AP4E1: variants seen among roughly 807,000 people sequenced by gnomAD.
The protein encoded by AP4E1 is adaptor related protein complex 4 subunit epsilon 1.
AP4E1 carries 56 observed loss-of-function variants against 128.2 expected under a neutral mutation model. The observed-to-expected ratio is 0.44, with a 90% confidence interval of 0.35 to 0.55. The LOEUF (loss-of-function observed/expected upper bound fraction) is 0.55. Ranked by LOEUF, AP4E1 falls within the 20% of genes least tolerant of loss-of-function variation. The probability of loss-of-function intolerance (pLI) is 0.00; values close to 1 mark genes in which losing one functional copy is unlikely to be tolerated. For missense variants in AP4E1, 1,324 were observed against 1,307.7 expected (o/e 1.01, Z -0.19); for synonymous variants, 484 against 473.1 (o/e 1.02, Z -0.30).
intron 9 of AP4E1, 46 bp downstream of exon 9, chr15:50,941,610 G>C (rs1449617697): frequency 6.2e-7 from 1 of 1,612,202 alleles, no homozygotes; most frequent in East Asian, 2.2e-5. Flanking sequence ...GATAGCTTTT[G>C]AAATTTGCTG....
chr15:50,963,387 G>A (rs1047699384), intron 14 of AP4E1, among the ~76,000 whole-genome samples: 3 of 152,144 alleles, frequency 2.0e-5, no homozygotes, highest in African/African-American at 7.2e-5. Context: ...AATGTGGTAT[G>A]TATACACAAT....
At chr15:50,915,789 T>G in intron 3 of AP4E1, 1 of 545,164 alleles carries the variant, frequency 1.8e-6, no homozygotes, top group Admixed American at 3.2e-5. Context: ...GACTAAAGAT[T>G]TCTTGCTCTT....
chr15:50,952,555 C>T (rs2064166321), intron 13 of AP4E1, among the ~76,000 whole-genome samples: 1 of 151,864 alleles, frequency 6.6e-6, no homozygotes, highest in African/African-American at 2.4e-5. Flanking sequence ...TTAATATCAC[C>T]TGCTATACTG....
chr15:50,999,980 C>T (rs552659868), intron 19 of AP4E1, among the ~76,000 whole-genome samples: 11 of 151,648 alleles, frequency 7.3e-5, no homozygotes, highest in African/African-American at 2.7e-4. Flanking sequence ...ATCTTACCTG[C>T]TCTAATTTTG....
chr15:50,908,549 T>TA (rs1268252081), upstream of AP4E1: 3 of 479,066 alleles, frequency 6.3e-6, no homozygotes, highest in African/African-American at 2.1e-5. Flanking sequence ...GAGGTCTACT[T>TA]ACGCGCGCAA....
At chr15:50,986,673 G>A (rs1016635051) in intron 16 of AP4E1, among the ~76,000 whole-genome samples, 2 of 152,118 alleles carry the variant, frequency 1.3e-5, no homozygotes, top group African/African-American at 4.8e-5. Flanking sequence ...TGATCATGGT[G>A]GATAATCTTT....
intron 16 of AP4E1, among the ~76,000 whole-genome samples, chr15:50,987,364 T>C (rs2064743311): frequency 6.6e-6 from 1 of 152,206 alleles, no homozygotes; most frequent in Non-Finnish European, 1.5e-5. Context: ...GTGTTTGCTC[T>C]TGCTTCTCTA....
At chr15:50,964,992 C>CAA (rs1555459136) in intron 14 of AP4E1, among the ~76,000 whole-genome samples, 3 of 151,224 alleles carry the variant, frequency 2.0e-5, no homozygotes, top group Non-Finnish European at 4.4e-5. Context: ...CACACACACA[C>CAA]TGGACTTTCC....
At chr15:50,926,071 T>A (rs947039945) in intron 5 of AP4E1, among the ~76,000 whole-genome samples, 1 of 152,154 alleles carries the variant, frequency 6.6e-6, no homozygotes. Flanking sequence ...GACTTACTTT[T>A]CACTGTATTT....
chr15:50,971,649 C>CT (rs920815165), intron 15 of AP4E1, among the ~76,000 whole-genome samples: 19 of 150,660 alleles, frequency 1.3e-4, no homozygotes, highest in South Asian at 4.2e-4. Flanking sequence ...ATTATTTTTT[C>CT]TTTTTTTTTG....
At chr15:50,994,518 C>A (rs2064845236) in intron 17 of AP4E1, among the ~76,000 whole-genome samples, 1 of 152,202 alleles carries the variant, frequency 6.6e-6, no homozygotes. Flanking sequence ...GATCCCATTT[C>A]TGTCAGACTT....
At chr15:50,908,591 G>A (rs946406375), upstream of AP4E1, 3 of 701,798 alleles carry the variant, frequency 4.3e-6, no homozygotes, top group African/African-American at 3.8e-5. Flanking sequence ...CACCCCCGCG[G>A]TCTCTTGCGC....
chr15:50,929,042 A>T lies in AP4E1; in HGVS notation c.576A>T (p.Leu192Phe). The T allele has an allele frequency of 6.2e-7, 1 of 1,613,892 alleles. No individual in the cohort carries two copies. Residue 192 changes from leucine to phenylalanine, a missense_variant, in exon 6 of 21, where the codon TTA becomes TTT. By Grantham distance (22) the Leu-to-Phe change is conservative. Coordinates refer to ENST00000261842, the MANE Select transcript of AP4E1 (RefSeq NM_007347.5). Reference protein sequence around the residue: ...EIVRRKAVLALYKFHLIAPNQ... With the variant: ...EIVRRKAVLAFYKFHLIAPNQ... ...TACGAAGAAAAGCTGTTCTGGCATT[A>T]TACAAATTCCATCTCATTGCTCCTA...
At chr15:50,966,654 C>G (rs2064398658) in intron 14 of AP4E1, among the ~76,000 whole-genome samples, 1 of 150,592 alleles carries the variant, frequency 6.6e-6, no homozygotes, top group Admixed American at 6.6e-5. Context: ...TCTCCTGTCT[C>G]AGCCTCCCGA....
chr15:50,911,670 G>C (rs909839647), intron 1 of AP4E1, among the ~76,000 whole-genome samples: 2 of 151,506 alleles, frequency 1.3e-5, no homozygotes, highest in African/African-American at 4.9e-5. Context: ...TAGGGACGGG[G>C]TTTTGCCATG....
intron 16 of AP4E1, among the ~76,000 whole-genome samples, chr15:50,989,546 G>C (rs2064775997): frequency 6.8e-6 from 1 of 146,480 alleles, no homozygotes; most frequent in African/African-American, 2.5e-5. Context: ...ATTTAATTTT[G>C]ATACTCCAAG....
At chr15:50,991,315 A>C (rs1400282053) in intron 16 of AP4E1, among the ~76,000 whole-genome samples, 1 of 152,166 alleles carries the variant, frequency 6.6e-6, no homozygotes, top group Admixed American at 6.6e-5. Context: ...TGGATTAGTA[A>C]AATTTAGGGA....
At chr15:50,950,867 G>A (rs1418181763) in intron 13 of AP4E1, among the ~76,000 whole-genome samples, 7 of 152,016 alleles carry the variant, frequency 4.6e-5, no homozygotes, top group East Asian at 1.9e-4. Context: ...GAGAACATGC[G>A]GTATTTGGTT....
In AP4E1 at chr15:50,990,693, C is replaced by G. The variant is rs538660649; in HGVS notation, c.2091-2677C>G. 2.0e-5 allele frequency among the ~76,000 whole-genome samples: 3 copies of G among 152,234 alleles called. No homozygotes were observed. In the South Asian group the frequency reaches 6.2e-4, roughly 32 times the overall value. ...TACTGCACCTGGCCATATTTTCCCACTTTTTAGATGGTCTGTATGTATGCT... is the reference window on the plus strand; with the variant it reads ...TACTGCACCTGGCCATATTTTCCCAGTTTTTAGATGGTCTGTATGTATGCT... On this transcript the variant is annotated intron_variant, in intron 16 of 20. Coordinates refer to ENST00000261842, the MANE Select transcript of AP4E1 (RefSeq NM_007347.5).
Sources: allele counts gnomAD v4.1 joint callset (sites outside exome capture counted in the v4.1 genomes callset), GRCh38; gene constraint gnomAD v4.1.1; transcripts MANE v1.5; gene names NCBI Gene and HGNC (gene_info 2026-07-23, HGNC 2026-07-21).